Variants in GFRA2 observed in about 807,000 individuals in gnomAD.
GFRA2 encodes the protein GDNF family receptor alpha 2.
Under a neutral mutation model 48.3 loss-of-function variants are expected in GFRA2, and 17 were observed. The observed-to-expected ratio is 0.35, with a 90% CI of 0.24 to 0.53. The LOEUF is 0.53. GFRA2 is among the 20% of genes least tolerant of loss of function. The pLI, the probability that GFRA2 is intolerant of heterozygous loss-of-function variation, is 0.93. For missense variants in GFRA2, 660 were observed against 637.3 expected (o/e 1.04, Z -0.38); for synonymous variants, 305 against 257.2 (o/e 1.19, Z -1.78).
chr8:21,702,511 C>T (rs1467614186), intron 7 of GFRA2, among the ~76,000 whole-genome samples: 1 of 152,200 alleles, frequency 6.6e-6, no homozygotes, highest in Non-Finnish European at 1.5e-5. Flanking sequence ...GCCCCACACA[C>T]AGCCAGGACT....
intron 2 of GFRA2, among the ~76,000 whole-genome samples, chr8:21,778,217 G>GC (rs1806806007): frequency 6.9e-6 from 1 of 145,344 alleles, no homozygotes; most frequent in Non-Finnish European, 1.5e-5. Flanking sequence ...CAAGGAACAG[G>GC]GAGGAAGGAC....
intron 4 of GFRA2, among the ~76,000 whole-genome samples, chr8:21,730,365 T>G (rs745746618): frequency 2.0e-5 from 3 of 151,592 alleles, no homozygotes; most frequent in African/African-American, 7.3e-5. Flanking sequence ...ATAGTGCCAT[T>G]GCATTCCAGC....
intron 4 of GFRA2, among the ~76,000 whole-genome samples, chr8:21,745,488 C>A (rs904049441): frequency 2.0e-5 from 3 of 152,262 alleles, no homozygotes; most frequent in African/African-American, 7.2e-5. Context: ...ATTAAAGTAC[C>A]AGCAAAGGCA....
intron 3 of GFRA2, among the ~76,000 whole-genome samples, chr8:21,774,229 G>A (rs370867155): frequency 6.6e-6 from 1 of 151,444 alleles, no homozygotes; most frequent in East Asian, 2.0e-4. Context: ...TGGGCCCAGT[G>A]TCTCCCAGAT....
intron 3 of GFRA2, among the ~76,000 whole-genome samples, chr8:21,767,160 TAC>T (rs1806206602): frequency 7.3e-6 from 1 of 136,448 alleles, no homozygotes; most frequent in African/African-American, 2.8e-5. Flanking sequence ...GCATCACATA[TAC>T]ACACACCACC....
chr8:21,698,817 C>A (rs1585223151), intron 7 of GFRA2, among the ~76,000 whole-genome samples: 2 of 152,146 alleles, frequency 1.3e-5, no homozygotes, highest in Non-Finnish European at 1.5e-5. Context: ...AGCAGACCCC[C>A]ACTCAGCACT....
intron 4 of GFRA2, among the ~76,000 whole-genome samples, chr8:21,707,692 T>C (rs371802784): frequency 6.6e-6 from 1 of 152,196 alleles, no homozygotes; most frequent in East Asian, 1.9e-4. Context: ...TAGTTTCTTA[T>C]GTATCAAATG....
intron 3 of GFRA2, among the ~76,000 whole-genome samples, chr8:21,762,305 G>C (rs558842765): frequency 4.7e-4 from 71 of 152,276 alleles, no homozygotes; most frequent in Non-Finnish European, 8.5e-4. Context: ...CAATAGCAGA[G>C]CCTTGCCTCC....
intron 3 of GFRA2, among the ~76,000 whole-genome samples, chr8:21,756,153 C>T (rs769552272): frequency 6.6e-6 from 1 of 152,232 alleles, no homozygotes; most frequent in Non-Finnish European, 1.5e-5. Context: ...CCAGGTGCTC[C>T]GTTCCCACTC....
chr8:21,782,738 C>G lies in GFRA2; in HGVS notation c.202G>C (p.Asp68His). 1 of 1,597,236 alleles carries G rather than the reference C, an allele frequency of 6.3e-7. No individual in the cohort carries two copies. The highest frequency in any genetic ancestry group is 8.5e-7 in the Non-Finnish European group (1 of 1,172,910). ...RTLRQCLAGRDRNTMLANKEC... is the reference protein window; with the variant it reads ...RTLRQCLAGRHRNTMLANKEC... ...TTGTTGGCCAGCATGGTGTTGCGGT[C>G]GCGGCCTGCCAGGCACTGCCGCAGA... Residue 68 changes from aspartate to histidine, a missense_variant, in exon 2 of 9, where the codon GAC becomes CAC. By Grantham distance (81) the Asp-to-His change is moderately conservative (BLOSUM62 -1). Transcript: ENST00000524240.
At chr8:21,700,606 G>C (rs1802425726) in intron 7 of GFRA2, among the ~76,000 whole-genome samples, 1 of 152,176 alleles carries the variant, frequency 6.6e-6, no homozygotes, top group Non-Finnish European at 1.5e-5. Flanking sequence ...ACATGCTGCT[G>C]TCTTCACCAG....
chr8:21,742,881 A>G (rs944082346), intron 4 of GFRA2, among the ~76,000 whole-genome samples: 1 of 152,188 alleles, frequency 6.6e-6, no homozygotes, highest in Non-Finnish European at 1.5e-5. Flanking sequence ...TGGAGCCCAG[A>G]TGCCTTGAGA....
At position 21,783,113 on chromosome 8, in the gene GFRA2, C is replaced by T. The variant is rs112899811; in HGVS notation, c.41-214G>A. On this transcript the variant is annotated intron_variant, in intron 1 of 8. Transcript: ENST00000524240. ...TAGGAGCAAGTTTTCTCCCTTTGCA[C>T]TCCATTCCTCCTCAGCAGCGGCCCT... 2,259 of 694,608 alleles carry T rather than the reference C, an allele frequency of 3.3e-3. 34 individuals are homozygous for T. The African/African-American group carries it at 0.034, about 10-fold the overall frequency. 43.0% of individuals were successfully genotyped at this position (694,608 alleles called of 1,614,324 possible).
At chr8:21,758,955 G>T (rs1200771652) in intron 3 of GFRA2, among the ~76,000 whole-genome samples, 1 of 152,168 alleles carries the variant, frequency 6.6e-6, no homozygotes, top group Non-Finnish European at 1.5e-5. Flanking sequence ...CGGAGTCCCT[G>T]CATTAGTAGC....
chr8:21,709,755 C>A (rs974860403), intron 4 of GFRA2, among the ~76,000 whole-genome samples: 1 of 152,182 alleles, frequency 6.6e-6, no homozygotes, highest in Non-Finnish European at 1.5e-5. Context: ...GGGAGCCTTG[C>A]TTCCCTCCCG....
intron 2 of GFRA2, among the ~76,000 whole-genome samples, chr8:21,775,818 C>T (rs1806666140): frequency 1.3e-5 from 2 of 152,060 alleles, no homozygotes; most frequent in Non-Finnish European, 2.9e-5. Context: ...CTTGGGGGCT[C>T]AGGAATGGAA....
At chr8:21,757,547 G>A (rs1805635147) in intron 3 of GFRA2, among the ~76,000 whole-genome samples, 1 of 145,320 alleles carries the variant, frequency 6.9e-6, no homozygotes, top group Non-Finnish European at 1.5e-5. Flanking sequence ...ACGTTGTAGT[G>A]CAGTGGCATG....
At chr8:21,706,775 T>TC (rs1802770785) in intron 4 of GFRA2, among the ~76,000 whole-genome samples, 2 of 152,122 alleles carry the variant, frequency 1.3e-5, no homozygotes, top group Non-Finnish European at 2.9e-5. Flanking sequence ...AGCTCTATGT[T>TC]CCCCACTGGG....
chr8:21,712,656 G>T (rs1168281195), intron 4 of GFRA2, among the ~76,000 whole-genome samples: 1 of 152,082 alleles, frequency 6.6e-6, no homozygotes, highest in Non-Finnish European at 1.5e-5. Flanking sequence ...CAAGGCAGGC[G>T]GCTGGGAGGT....
Sources: allele counts gnomAD v4.1 joint callset (sites outside exome capture counted in the v4.1 genomes callset), GRCh38; gene constraint gnomAD v4.1.1; transcripts MANE v1.5; gene names NCBI Gene and HGNC (gene_info 2026-07-23, HGNC 2026-07-21).